CFAP54: variants seen among roughly 807,000 people sequenced by gnomAD.
The protein encoded by CFAP54 is cilia- and flagella-associated protein 54.
Under a neutral mutation model 370.4 loss-of-function variants are expected in CFAP54, and 290 were observed. The observed-to-expected ratio is 0.78, with a 90% CI of 0.71 to 0.86. CFAP54 has a LOEUF of 0.86. CFAP54 is among the 40% of genes least tolerant of loss of function. The pLI, the probability that CFAP54 is intolerant of heterozygous loss-of-function variation, is 0.00. For synonymous variants in CFAP54, 1,206 were observed against 1,236.5 expected (o/e 0.98, Z 0.52); for missense variants, 3,399 against 3,528.7 (o/e 0.96, Z 0.93).
chr12:96,688,039 G>A (rs933534795), intron 42 of CFAP54, among the ~76,000 whole-genome samples: 1 of 151,624 alleles, frequency 6.6e-6, no homozygotes, highest in African/African-American at 2.4e-5. Flanking sequence ...TCCCCGCCCT[G>A]TAAAATACCA....
chr12:96,684,575 A>G, intron 40 of CFAP54, 73 bp from the exon 41 acceptor site: 1 of 1,324,488 alleles, frequency 7.6e-7, no homozygotes, highest in Non-Finnish European at 1.1e-6. Context: ...TGCAGTTTAA[A>G]AAATTCTTGC....
intron 11 of CFAP54, 58 bp downstream of exon 11, chr12:96,534,285 G>A: frequency 1.0e-6 from 1 of 960,774 alleles, no homozygotes; most frequent in South Asian, 1.8e-5. Flanking sequence ...CTCTTTTATA[G>A]ATATGGTGAG....
At chr12:96,826,580 T>C (rs1481883280) in intron 65 of CFAP54, among the ~76,000 whole-genome samples, 1 of 109,256 alleles carries the variant, frequency 9.2e-6, no homozygotes, top group Non-Finnish European at 1.7e-5. Context: ...ATATAGATTA[T>C]ATGTATTATA....
intron 9 of CFAP54, among the ~76,000 whole-genome samples, chr12:96,533,260 C>G (rs983012591): frequency 1.3e-5 from 2 of 152,090 alleles, no homozygotes; most frequent in Admixed American, 6.5e-5. Flanking sequence ...GCCAATAAGC[C>G]TGGCTAGTCC....
At chr12:96,503,865 C>CA (rs1321199106) in intron 2 of CFAP54, 21 bp from the exon 3 acceptor site, 1 of 1,460,942 alleles carries the variant, frequency 6.8e-7, no homozygotes, top group Non-Finnish European at 9.0e-7. Context: ...GAACTTTAAT[C>CA]AAGTACTCCT....
intron 63 of CFAP54, among the ~76,000 whole-genome samples, chr12:96,809,222 A>T (rs1958908614): frequency 6.6e-6 from 1 of 151,916 alleles, no homozygotes; most frequent in Admixed American, 6.6e-5. Flanking sequence ...ATGGAAAGTA[A>T]TATTCTTCAG....
At chr12:96,872,847 A>C (rs955495876) in intron 67 of CFAP54, among the ~76,000 whole-genome samples, 4 of 152,192 alleles carry the variant, frequency 2.6e-5, no homozygotes, top group African/African-American at 7.2e-5. Context: ...ATTGACTTTC[A>C]GTGCAAAATC....
At chr12:96,655,010 A>G (rs1409600064) in intron 36 of CFAP54, among the ~76,000 whole-genome samples, 1 of 149,696 alleles carries the variant, frequency 6.7e-6, no homozygotes, top group Non-Finnish European at 1.5e-5. Context: ...TTATAAGCAA[A>G]TGCAAAAAAA....
chr12:96,627,676 G>A (rs1292181346), intron 30 of CFAP54, among the ~76,000 whole-genome samples: 1 of 152,118 alleles, frequency 6.6e-6, no homozygotes, highest in African/African-American at 2.4e-5. Context: ...GTATATATAT[G>A]CTTCATATTT....
At position 96,489,701 on chromosome 12, in the gene CFAP54, C is replaced by G; in HGVS notation, c.92C>G (p.Thr31Ser). 1 of 1,536,064 alleles carries G rather than the reference C, an allele frequency of 6.5e-7. No homozygotes were observed. The highest frequency in any genetic ancestry group is 8.7e-7 in the Non-Finnish European group (1 of 1,146,856). The change falls in exon 1 of 68, where the codon ACT becomes AGT. Residue 31 changes from threonine to serine, a missense_variant. Physicochemically the swap from Thr to Ser is moderately conservative, Grantham distance 58 (BLOSUM62 1). This residue lies in a region of CFAP54 where 559 missense variants were observed against 576.7 expected (regional missense o/e 0.97). Coordinates refer to ENST00000524981, the MANE Select transcript of CFAP54 (RefSeq NM_001306084.2). ...LPELPPTSTA[T>S]SRSPPESKGS... ...GAACTGCCGCCGACCTCCACCGCGACTTCGAGGTCGCCCCCAGAGTCGAAG... is the reference window on the plus strand; with the variant it reads ...GAACTGCCGCCGACCTCCACCGCGAGTTCGAGGTCGCCCCCAGAGTCGAAG...
intron 32 of CFAP54, 45 bp downstream of exon 32, chr12:96,630,696 A>C: frequency 8.0e-7 from 1 of 1,248,328 alleles, no homozygotes; most frequent in Non-Finnish European, 1.1e-6. Flanking sequence ...CTTGAGGGTA[A>C]CTATGTGTTG....
chr12:96,677,778 G>T (rs549742176), intron 39 of CFAP54, among the ~76,000 whole-genome samples: 4 of 152,214 alleles, frequency 2.6e-5, no homozygotes, highest in African/African-American at 9.6e-5. Flanking sequence ...CTGTCAATGC[G>T]GCCATGTCCC....
At chr12:96,685,965 C>T (rs1290104578) in intron 42 of CFAP54, among the ~76,000 whole-genome samples, 2 of 152,190 alleles carry the variant, frequency 1.3e-5, no homozygotes, top group African/African-American at 4.8e-5. Flanking sequence ...AAACCAGTTA[C>T]TTTCAACAAG....
intron 39 of CFAP54, among the ~76,000 whole-genome samples, chr12:96,673,238 A>G (rs1188686062): frequency 6.6e-6 from 1 of 152,224 alleles, no homozygotes; most frequent in Admixed American, 6.5e-5. Context: ...AAACATTACT[A>G]GTAAGTGGTG....
chr12:96,513,140 A>T (rs1955191710), intron 5 of CFAP54, 96 bp downstream of exon 5: 2 of 449,242 alleles, frequency 4.5e-6, no homozygotes. Context: ...TAAACAAGGA[A>T]TATTTGGAGA....
At chr12:96,800,989 G>A (rs1958814043) in intron 63 of CFAP54, among the ~76,000 whole-genome samples, 1 of 152,176 alleles carries the variant, frequency 6.6e-6, no homozygotes, top group South Asian at 2.1e-4. Flanking sequence ...CTTCTTGAAA[G>A]GATGGTAATG....
intron 63 of CFAP54, among the ~76,000 whole-genome samples, chr12:96,806,463 A>C (rs1323372646): frequency 6.6e-6 from 1 of 151,710 alleles, no homozygotes; most frequent in Non-Finnish European, 1.5e-5. Flanking sequence ...GCCAGTCTAC[A>C]AATAAGAGAT....
At position 96,765,209 on chromosome 12, in the gene CFAP54, T is replaced by C. The variant is rs572600158; in HGVS notation, c.8272T>C (p.Tyr2758His). 6.5e-5 allele frequency: 99 copies of C among 1,514,530 alleles called. No homozygotes were observed. The highest frequency in any genetic ancestry group is 3.5e-4 in the Middle Eastern group (2 of 5,698). 93.8% of individuals were successfully genotyped at this position (1,514,530 alleles called of 1,614,324 possible). A position where few individuals can be genotyped will look rare whatever the true frequency, so the allele number is the denominator to read the frequency against. Residue 2758 changes from tyrosine to histidine, a missense_variant, in exon 60 of 68, where the codon TAT (tyrosine) becomes CAT (histidine). Tyr to His is a moderately conservative substitution (Grantham distance 83, BLOSUM62 2). Around this residue, in one of 3 missense-constraint regions of CFAP54, gnomAD observed 2,796 missense variants for 2,869.7 expected, o/e 0.97. Coordinates refer to ENST00000524981, the MANE Select transcript of CFAP54 (RefSeq NM_001306084.2). ...ALDLLSSYTD[Y>H]LLDNYQVLFQ... ...GGATCTTTTGTCTTCGTATACAGATTATTTGCTTGGTATGTTTGGATGTCT... is the reference window on the plus strand; with the variant it reads ...GGATCTTTTGTCTTCGTATACAGATCATTTGCTTGGTATGTTTGGATGTCT...
chr12:96,520,108 G>C (rs890383150), intron 6 of CFAP54, among the ~76,000 whole-genome samples: 1 of 152,154 alleles, frequency 6.6e-6, no homozygotes, highest in Non-Finnish European at 1.5e-5. Flanking sequence ...GCTCACTGCA[G>C]TCTTAGTCTC....
Sources: allele counts gnomAD v4.1 joint callset (sites outside exome capture counted in the v4.1 genomes callset), GRCh38; gene constraint gnomAD v4.1.1; regional missense constraint gnomAD v4.1.1; transcripts MANE v1.5; gene names NCBI Gene and HGNC (gene_info 2026-07-23, HGNC 2026-07-21).